Variants in TANK observed in about 807,000 individuals in gnomAD.
TANK encodes TRAF family member associated NFKB activator, also known as TRAF family member-associated NF-kappa-B activator.
TANK carries 15 observed loss-of-function variants against 43.6 expected under a neutral mutation model. That is an observed-to-expected ratio of 0.34 (90% CI 0.23 to 0.53). The LOEUF is 0.53. Ranked by LOEUF, TANK falls within the 20% of genes least tolerant of loss-of-function variation. The probability of loss-of-function intolerance (pLI) is 0.94; values close to 1 mark genes in which losing one functional copy is unlikely to be tolerated. For synonymous variants in TANK, 162 were observed against 178.2 expected, an observed-to-expected ratio of 0.91 and a Z score of 0.73; for missense variants, 417 against 498.6, an observed-to-expected ratio of 0.84 and a Z score of 1.56.
At chr2:161,176,971 A>T (rs983986699) in intron 1 of TANK, among the ~76,000 whole-genome samples, 1 of 152,172 alleles carries the variant, frequency 6.6e-6, no homozygotes, top group African/African-American at 2.4e-5. Flanking sequence ...ACCTATACTT[A>T]CTTTTTCTTT....
At chr2:161,188,676 A>G (rs1384074529) in intron 2 of TANK, among the ~76,000 whole-genome samples, 2 of 152,218 alleles carry the variant, frequency 1.3e-5, no homozygotes, top group African/African-American at 4.8e-5. Context: ...CCATTCTATG[A>G]GGCCAGCATT....
At chr2:161,175,946 C>T (rs761873985) in intron 1 of TANK, among the ~76,000 whole-genome samples, 16 of 152,062 alleles carry the variant, frequency 1.1e-4, no homozygotes, top group Admixed American at 3.9e-4. Flanking sequence ...TCAGGGATTT[C>T]AGAATTTTTT....
At chr2:161,200,876 T>G (rs1686375357) in intron 2 of TANK, among the ~76,000 whole-genome samples, 1 of 152,038 alleles carries the variant, frequency 6.6e-6, no homozygotes, top group South Asian at 2.1e-4. Flanking sequence ...AGCAGCAGCA[T>G]GGGTTGCTCA....
intron 2 of TANK, among the ~76,000 whole-genome samples, chr2:161,201,932 T>C (rs1558992528): frequency 6.6e-6 from 1 of 152,190 alleles, no homozygotes; most frequent in Non-Finnish European, 1.5e-5. Flanking sequence ...TAATAAAATG[T>C]AATTGGAATC....
At chr2:161,186,773 C>A (rs1341688820) in intron 2 of TANK, among the ~76,000 whole-genome samples, 2 of 152,052 alleles carry the variant, frequency 1.3e-5, no homozygotes, top group African/African-American at 4.8e-5. Context: ...TATTTGCAAA[C>A]TGACAAGGGA....
At chr2:161,225,710 C>G (rs1446259227) in intron 6 of TANK, among the ~76,000 whole-genome samples, 2 of 152,186 alleles carry the variant, frequency 1.3e-5, no homozygotes, top group Non-Finnish European at 2.9e-5. Flanking sequence ...AGTTTTCACT[C>G]TGAGAGATGT....
At chr2:161,151,230 A>C (rs1309742810) in intron 1 of TANK, among the ~76,000 whole-genome samples, 1 of 152,176 alleles carries the variant, frequency 6.6e-6, no homozygotes, top group Non-Finnish European at 1.5e-5. Flanking sequence ...TATCCACTTG[A>C]GAAGAATGTA....
intron 7 of TANK, 22 bp downstream of exon 7, chr2:161,231,573 ATATAT>A: frequency 5.0e-6 from 8 of 1,592,314 alleles, no homozygotes; most frequent in Non-Finnish European, 6.9e-6. Context: ...GCATTAACAA[ATATAT>A]TATTATGTGT....
chr2:161,140,514 C>A (rs1226353659), intron 1 of TANK, among the ~76,000 whole-genome samples: 2 of 151,290 alleles, frequency 1.3e-5, no homozygotes, highest in East Asian at 3.9e-4. Flanking sequence ...GAACTAATTT[C>A]TTGGATCTAT....
chr2:161,160,751 C>A, intron 1 of TANK: 1 of 561,296 alleles, frequency 1.8e-6, no homozygotes, highest in South Asian at 1.6e-5. Context: ...TCTGCCCCAA[C>A]GGCTTCAAGG....
In TANK at chr2:161,231,569, AC is replaced by A. The variant is rs761813777; in HGVS notation, c.1101+19del. 22 of 1,598,722 alleles carry A rather than the reference AC, an allele frequency of 1.4e-5. No individual in the cohort carries two copies. The highest frequency in any genetic ancestry group is 3.3e-5 in the Admixed American group (2 of 59,950). The stretch of plus-strand genomic sequence containing the variant: ...CACAGCAGGTAACTGTTTTGCATTA[AC>A]AAATATATTATTATGTGTGAACACA... On this transcript the variant is annotated intron_variant, in intron 7 of 7. Transcript: ENST00000392749.
chr2:161,138,885 AAT>A (rs1683663604), intron 1 of TANK, among the ~76,000 whole-genome samples: 1 of 152,222 alleles, frequency 6.6e-6, no homozygotes, highest in Non-Finnish European at 1.5e-5. Flanking sequence ...ATATTCTATT[AAT>A]ATGTCTTTAA....
At chr2:161,229,646 A>G (rs1462891297) in intron 6 of TANK, among the ~76,000 whole-genome samples, 1 of 152,218 alleles carries the variant, frequency 6.6e-6, no homozygotes, top group Non-Finnish European at 1.5e-5. Context: ...TGCTGTGGCA[A>G]AAGACAGAGA....
In TANK at chr2:161,231,565, A is replaced by G. The variant is rs973593476; in HGVS notation, c.1101+14A>G. ...GGACCACAGCAGGTAACTGTTTTGC[A>G]TTAACAAATATATTATTATGTGTGA... On this transcript the variant is annotated intron_variant, in intron 7 of 7. Coordinates refer to ENST00000392749, the MANE Select transcript of TANK (RefSeq NM_001199135.3). 2 of 1,600,888 alleles carry G rather than the reference A, an allele frequency of 1.2e-6. No homozygotes were observed. Among genetic ancestry groups the G allele is most frequent in the Non-Finnish European group, 1.7e-6 (2 of 1,173,236 alleles).
At chr2:161,151,331 C>A (rs888500087) in intron 1 of TANK, among the ~76,000 whole-genome samples, 1 of 151,956 alleles carries the variant, frequency 6.6e-6, no homozygotes, top group Admixed American at 6.6e-5. Flanking sequence ...TCTTTTGGAT[C>A]TTCTGTTTTT....
chr2:161,141,754 A>C (rs1303712142), intron 1 of TANK, among the ~76,000 whole-genome samples: 1 of 152,022 alleles, frequency 6.6e-6, no homozygotes, highest in Non-Finnish European at 1.5e-5. Context: ...GATTGGTTCC[A>C]TGTCTTTGCT....
At chr2:161,159,973 A>G (rs1684332071), upstream of TANK, among the ~76,000 whole-genome samples, 1 of 152,176 alleles carries the variant, frequency 6.6e-6, no homozygotes, top group African/African-American at 2.4e-5. Flanking sequence ...ATTTACGAGG[A>G]TCTGTTGAAA....
chr2:161,180,153 CTT>C (rs147864582), intron 2 of TANK: 141,027 of 972,108 alleles, frequency 0.15, 11,267 homozygotes, highest in Non-Finnish European at 0.16. Flanking sequence ...GACAGGAAAA[CTT>C]TTCAAATCTT....
At chr2:161,179,150 A>C (rs1289593575) in intron 1 of TANK, among the ~76,000 whole-genome samples, 4 of 152,154 alleles carry the variant, frequency 2.6e-5, no homozygotes, top group Admixed American at 6.6e-5. Context: ...CTGTGGTAAC[A>C]ACAGTGCGAA....
Sources: allele counts gnomAD v4.1 joint callset (sites outside exome capture counted in the v4.1 genomes callset), GRCh38; gene constraint gnomAD v4.1.1; transcripts MANE v1.5; gene names NCBI Gene and HGNC (gene_info 2026-07-23, HGNC 2026-07-21).